The following TENM2 variants were observed in gnomAD, a reference collection of about 807,000 sequenced individuals.
The protein encoded by TENM2 is teneurin-2.
TENM2 carries 52 observed loss-of-function variants against 245.2 expected under a neutral mutation model. That is an observed-to-expected ratio of 0.21 (90% CI 0.17 to 0.27). TENM2 has a LOEUF of 0.27. Ranked by LOEUF, TENM2 falls within the 10% of genes least tolerant of loss-of-function variation. The probability of loss-of-function intolerance (pLI) is 1.00; values close to 1 mark genes in which losing one functional copy is unlikely to be tolerated. For missense variants in TENM2, 3,046 were observed against 3,666.8 expected, an observed-to-expected ratio of 0.83 and a Z score of 4.37; for synonymous variants, 1,363 against 1,438.9, an observed-to-expected ratio of 0.95 and a Z score of 1.19.
intron 2 of TENM2, among the ~76,000 whole-genome samples, chr5:167,614,354 A>C (rs1274316266): frequency 6.6e-6 from 1 of 152,094 alleles, no homozygotes; most frequent in Non-Finnish European, 1.5e-5. Context: ...CGTTTTGCAT[A>C]GGATCCTCTC....
intron 2 of TENM2, among the ~76,000 whole-genome samples, chr5:167,718,291 G>A (rs909241382): frequency 6.6e-6 from 1 of 152,202 alleles, no homozygotes; most frequent in Non-Finnish European, 1.5e-5. Flanking sequence ...CTGAAGCTGT[G>A]TGGTGTAGAA....
chr5:167,218,172 G>T, the TENM2 span, among the ~76,000 whole-genome samples: 1 of 151,936 alleles, frequency 6.6e-6, no homozygotes, highest in Admixed American at 6.6e-5. Flanking sequence ...ACTTGCCGGG[G>T]TTGCTCCTGG....
intron 1 of TENM2, chr5:167,306,401 T>G (rs2127745077): frequency 6.6e-6 from 1 of 152,282 alleles, no homozygotes; most frequent in Non-Finnish European, 1.5e-5. Flanking sequence ...TCAGTCATCC[T>G]TAGGGGACGA....
intron 2 of TENM2, among the ~76,000 whole-genome samples, chr5:167,704,945 G>C (rs894247402): frequency 6.6e-6 from 1 of 152,110 alleles, no homozygotes; most frequent in African/African-American, 2.4e-5. Context: ...GGAGTGTATT[G>C]ATTCTTTATT....
chr5:167,167,974 G>A, the TENM2 span, among the ~76,000 whole-genome samples: 1 of 152,202 alleles, frequency 6.6e-6, no homozygotes. Flanking sequence ...AAAATAGGTA[G>A]TAATTGCAGA....
intron 2 of TENM2, among the ~76,000 whole-genome samples, chr5:167,835,664 C>A (rs1350380599): frequency 6.6e-6 from 1 of 151,818 alleles, no homozygotes; most frequent in Non-Finnish European, 1.5e-5. Context: ...TAAGGACATG[C>A]ATGAATGCTG....
chr5:167,502,983 C>T (rs1036133443), intron 2 of TENM2, among the ~76,000 whole-genome samples: 40 of 152,176 alleles, frequency 2.6e-4, no homozygotes, highest in African/African-American at 8.9e-4. Flanking sequence ...GCGCACGCCA[C>T]CATGCCTGGC....
intron 25 of TENM2, among the ~76,000 whole-genome samples, chr5:168,235,942 G>T (rs1192034050): frequency 1.3e-5 from 2 of 152,194 alleles, no homozygotes; most frequent in African/African-American, 4.8e-5. Context: ...GAGTAGGTAG[G>T]AATTTCCCAG....
At chr5:167,002,913 T>C in the TENM2 span, among the ~76,000 whole-genome samples, 1 of 152,170 alleles carries the variant, frequency 6.6e-6, no homozygotes, top group African/African-American at 2.4e-5. Context: ...TTAATTTAAA[T>C]CTCCTTTACA....
chr5:167,264,306 G>A, the TENM2 span, among the ~76,000 whole-genome samples: 1 of 152,132 alleles, frequency 6.6e-6, no homozygotes, highest in South Asian at 2.1e-4. Context: ...TTTTGAACTT[G>A]TGAACTGATA....
chr5:167,884,061 A>T (rs557792552), intron 3 of TENM2, among the ~76,000 whole-genome samples: 2 of 152,286 alleles, frequency 1.3e-5, no homozygotes, highest in East Asian at 3.9e-4. Context: ...CAACTTACTT[A>T]ATCTATATCT....
At chr5:167,505,814 G>A (rs1234660106) in intron 2 of TENM2, among the ~76,000 whole-genome samples, 1 of 152,088 alleles carries the variant, frequency 6.6e-6, no homozygotes. Flanking sequence ...AAAATGAAGG[G>A]GATGACAAGA....
At chr5:167,236,144 T>C in the TENM2 span, among the ~76,000 whole-genome samples, 2 of 152,304 alleles carry the variant, frequency 1.3e-5, no homozygotes, top group South Asian at 2.1e-4. Context: ...ACCTCCATTA[T>C]TGCATGAACT....
intron 3 of TENM2, among the ~76,000 whole-genome samples, chr5:167,934,412 T>G (rs1353571258): frequency 3.3e-5 from 5 of 152,310 alleles, no homozygotes; most frequent in Non-Finnish European, 5.9e-5. Flanking sequence ...TCTTTAAAAT[T>G]GTTTTGGCTT....
At chr5:167,244,208 T>G in the TENM2 span, among the ~76,000 whole-genome samples, 1 of 152,206 alleles carries the variant, frequency 6.6e-6, no homozygotes, top group Non-Finnish European at 1.5e-5. Context: ...ACATTTAAGC[T>G]TAAAGATATT....
chr5:168,163,607 C>G (rs1757943210), intron 13 of TENM2, among the ~76,000 whole-genome samples: 1 of 152,092 alleles, frequency 6.6e-6, no homozygotes, highest in Non-Finnish European at 1.5e-5. Context: ...TTGACTGAAC[C>G]AAGGGTTGGG....
chr5:167,304,110 C>G (rs1755521892), intron 1 of TENM2, among the ~76,000 whole-genome samples: 1 of 152,130 alleles, frequency 6.6e-6, no homozygotes, highest in African/African-American at 2.4e-5. Context: ...ACATACGCAA[C>G]CCATGAAGTG....
intron 2 of TENM2, among the ~76,000 whole-genome samples, chr5:167,518,160 CA>C (rs201319534): frequency 2.5e-3 from 358 of 140,938 alleles, no homozygotes; most frequent in Middle Eastern, 0.01. Context: ...GACCCTGTCT[CA>C]AAAAAAAAAA....
chr5:167,514,084 G>A (rs1442238773), intron 2 of TENM2, among the ~76,000 whole-genome samples: 5 of 152,142 alleles, frequency 3.3e-5, no homozygotes, highest in African/African-American at 1.2e-4. Flanking sequence ...AGTTGTTCCT[G>A]CTCTCTTCAA....
Sources: gnomAD v4.1 joint callset for allele counts (sites outside exome capture counted in the v4.1 genomes callset) on GRCh38, gnomAD v4.1.1 for gene constraint, MANE v1.5 for transcripts, NCBI Gene and HGNC (gene_info 2026-07-23, HGNC 2026-07-21) for gene names.